Variants in ZFAT observed in about 807,000 individuals in gnomAD.
ZFAT encodes the protein zinc finger and AT-hook domain containing.
A neutral mutation model predicts 117.7 loss-of-function variants in ZFAT; 64 were observed. That is an observed-to-expected ratio of 0.54 (90% confidence interval 0.44 to 0.67). The LOEUF is 0.67. ZFAT is among the 30% of genes least tolerant of loss of function. The pLI, the probability that ZFAT is intolerant of heterozygous loss-of-function variation, is 0.00. For synonymous variants in ZFAT, 679 were observed against 615.0 expected (o/e 1.10, Z -1.54); for missense variants, 1,433 against 1,584.5 (o/e 0.90, Z 1.62).
the ZFAT span, among the ~76,000 whole-genome samples, chr8:134,821,075 C>CA: frequency 1.3e-5 from 2 of 152,160 alleles, no homozygotes; most frequent in Non-Finnish European, 2.9e-5. Context: ...TTCTGATTCT[C>CA]AGATGGTTGT....
At chr8:134,743,006 G>A in the ZFAT span, among the ~76,000 whole-genome samples, 1 of 152,174 alleles carries the variant, frequency 6.6e-6, no homozygotes, top group Non-Finnish European at 1.5e-5. Context: ...AAAGTCCATT[G>A]GACTGTCACA....
intron 15 of ZFAT, among the ~76,000 whole-genome samples, chr8:134,483,043 G>A (rs992338764): frequency 1.3e-5 from 2 of 152,248 alleles, no homozygotes; most frequent in Admixed American, 6.5e-5. Flanking sequence ...TTGCTTTACA[G>A]AAGGGGTTCA....
intron 3 of ZFAT, among the ~76,000 whole-genome samples, chr8:134,614,655 G>C (rs1008382526): frequency 1.3e-5 from 2 of 152,200 alleles, no homozygotes; most frequent in African/African-American, 4.8e-5. Context: ...CAATGAAGAA[G>C]ACCTGCTCTG....
chr8:134,538,101 T>C (rs943837800), intron 11 of ZFAT, among the ~76,000 whole-genome samples: 4 of 151,946 alleles, frequency 2.6e-5, no homozygotes, highest in Non-Finnish European at 5.9e-5. Context: ...AATGTGGCCA[T>C]GGAAAGAGTA....
intron 10 of ZFAT, among the ~76,000 whole-genome samples, chr8:134,581,105 A>T (rs1237149656): frequency 6.6e-6 from 1 of 152,200 alleles, no homozygotes; most frequent in Non-Finnish European, 1.5e-5. Flanking sequence ...AGAGATGTAA[A>T]TAAACTTTTT....
At chr8:134,756,983 C>T in the ZFAT span, among the ~76,000 whole-genome samples, 1 of 151,424 alleles carries the variant, frequency 6.6e-6, no homozygotes, top group Non-Finnish European at 1.5e-5. Flanking sequence ...GTCAGCTTCT[C>T]CCTCTGCCCA....
the ZFAT span, among the ~76,000 whole-genome samples, chr8:134,824,887 A>G: frequency 0.31 from 47,628 of 152,112 alleles, 8,310 homozygotes; most frequent in African/African-American, 0.46. Flanking sequence ...GTATTTATGG[A>G]CACAGAATAT....
chr8:134,489,897 C>T (rs1817928452), intron 15 of ZFAT, among the ~76,000 whole-genome samples: 1 of 152,156 alleles, frequency 6.6e-6, no homozygotes, highest in South Asian at 2.1e-4. Flanking sequence ...GTCCTCTTCT[C>T]GGTAGAAGGC....
chr8:134,583,849 A>G lies in ZFAT; in HGVS notation c.2870T>C (p.Leu957Pro). ...KSKGTLKSHK[L>P]LHTADGKQFK... ...TTACTCACCATCTGCAGTGTGAAGGAGTTTGTGACTTTTCAGTGTCCCTTT... is the reference window on the plus strand; with the variant it reads ...TTACTCACCATCTGCAGTGTGAAGGGGTTTGTGACTTTTCAGTGTCCCTTT... The change falls in exon 10 of 16, where the codon CTC becomes CCC. Residue 957 changes from leucine (L) to proline (P), a missense_variant. Around this residue, in one of 5 missense-constraint regions of ZFAT, gnomAD observed 503 missense variants for 543.4 expected, o/e 0.93. Transcript: ENST00000377838. 6.2e-7 allele frequency: 1 copy of G among 1,613,686 alleles called. No homozygotes were observed. Among genetic ancestry groups the G allele is most frequent in the Non-Finnish European group, 8.5e-7 (1 of 1,179,814 alleles).
At chr8:134,552,268 A>G (rs561304858) in intron 11 of ZFAT, among the ~76,000 whole-genome samples, 1 of 152,258 alleles carries the variant, frequency 6.6e-6, no homozygotes, top group African/African-American at 2.4e-5. Context: ...TGTGTTGAAA[A>G]ATAAGTAAAC....
chr8:134,614,847 T>C (rs1056378778), intron 3 of ZFAT, among the ~76,000 whole-genome samples: 2 of 152,206 alleles, frequency 1.3e-5, no homozygotes, highest in South Asian at 2.1e-4. Context: ...GAAAAGACTC[T>C]GAACCACATG....
the ZFAT span, among the ~76,000 whole-genome samples, chr8:134,790,012 T>C: frequency 6.6e-6 from 1 of 152,224 alleles, no homozygotes; most frequent in African/African-American, 2.4e-5. Context: ...GTGGAAGCTA[T>C]TCTAGGTATT....
intron 1 of ZFAT, among the ~76,000 whole-genome samples, chr8:134,693,410 A>G (rs1010023899): frequency 6.6e-6 from 1 of 152,072 alleles, no homozygotes; most frequent in African/African-American, 2.4e-5. Flanking sequence ...TGACTAAAAT[A>G]AGCATTCCTG....
intron 9 of ZFAT, among the ~76,000 whole-genome samples, chr8:134,584,260 G>C (rs1825912570): frequency 6.6e-6 from 1 of 152,128 alleles, no homozygotes; most frequent in African/African-American, 2.4e-5. Context: ...CCACCCTGCA[G>C]CTTTCTCTGA....
chr8:134,728,905 T>A, the ZFAT span, among the ~76,000 whole-genome samples: 1 of 152,326 alleles, frequency 6.6e-6, no homozygotes, highest in East Asian at 1.9e-4. Context: ...TTCCTTTTTT[T>A]CCAGTTACTC....
intron 2 of ZFAT, among the ~76,000 whole-genome samples, chr8:134,655,387 C>T (rs1463977470): frequency 1.3e-5 from 2 of 152,204 alleles, no homozygotes; most frequent in African/African-American, 4.8e-5. Context: ...GTGGCTCACA[C>T]CTGTAATCCC....
At chr8:134,704,325 A>G (rs1834092002) in intron 1 of ZFAT, among the ~76,000 whole-genome samples, 1 of 152,226 alleles carries the variant, frequency 6.6e-6, no homozygotes, top group Non-Finnish European at 1.5e-5. Flanking sequence ...TTACAGACCC[A>G]GGGCTGCACG....
chr8:134,644,870 AC>A (rs931218006), intron 2 of ZFAT, among the ~76,000 whole-genome samples: 1 of 152,056 alleles, frequency 6.6e-6, no homozygotes, highest in African/African-American at 2.4e-5. Context: ...ACACAATCAC[AC>A]AACGTGCACA....
At chr8:134,550,284 C>T (rs1024428767) in intron 11 of ZFAT, among the ~76,000 whole-genome samples, 1 of 123,404 alleles carries the variant, frequency 8.1e-6, no homozygotes, top group East Asian at 2.7e-4. Context: ...CTGGGACTTA[C>T]ATTCCATCCA....
Sources: gnomAD v4.1 joint callset for allele counts (sites outside exome capture counted in the v4.1 genomes callset) on GRCh38, gnomAD v4.1.1 for gene constraint, gnomAD v4.1.1 regional missense constraint, MANE v1.5 for transcripts, NCBI Gene and HGNC (gene_info 2026-07-23, HGNC 2026-07-21) for gene names.